The following PHF21A variants were observed in gnomAD, a reference collection of about 807,000 sequenced individuals.
The protein encoded by PHF21A is BHC80a.
A neutral mutation model predicts 82.5 loss-of-function variants in PHF21A; 11 were observed. The observed-to-expected ratio is 0.13, with a 90% CI of 0.08 to 0.22. The LOEUF (loss-of-function observed/expected upper bound fraction) is 0.22. PHF21A is among the 10% of genes least tolerant of loss of function. The pLI is 1.00. For synonymous variants in PHF21A, 297 were observed against 302.8 expected (o/e 0.98, Z 0.20); for missense variants, 579 against 837.8 (o/e 0.69, Z 3.81).
At chr11:46,024,747 C>A (rs1381283412) in intron 6 of PHF21A, among the ~76,000 whole-genome samples, 1 of 152,058 alleles carries the variant, frequency 6.6e-6, no homozygotes. Flanking sequence ...TTGCAGTGAG[C>A]CAAGATTGTG....
At chr11:45,989,075 A>C (rs2094588360) in intron 6 of PHF21A, among the ~76,000 whole-genome samples, 1 of 152,148 alleles carries the variant, frequency 6.6e-6, no homozygotes, top group African/African-American at 2.4e-5. Flanking sequence ...GGAGGGTGCA[A>C]GTTCCTCACA....
intron 6 of PHF21A, among the ~76,000 whole-genome samples, chr11:46,023,264 G>C (rs1338591780): frequency 2.0e-5 from 3 of 152,222 alleles, no homozygotes. Flanking sequence ...GGCAGGCCGG[G>C]ATCTGGCAGA....
intron 6 of PHF21A, among the ~76,000 whole-genome samples, chr11:46,006,270 C>T (rs1377137592): frequency 2.6e-5 from 4 of 152,086 alleles, no homozygotes; most frequent in African/African-American, 9.7e-5. Context: ...CTTCCAGAAG[C>T]CCAAACAAGA....
At chr11:46,102,898 T>C (rs2097112700) in intron 1 of PHF21A, among the ~76,000 whole-genome samples, 1 of 152,152 alleles carries the variant, frequency 6.6e-6, no homozygotes, top group African/African-American at 2.4e-5. Context: ...TGTTTTGTTT[T>C]TAAGAGAAAT....
At chr11:45,966,088 T>C (rs2093417363) in intron 9 of PHF21A, among the ~76,000 whole-genome samples, 1 of 152,158 alleles carries the variant, frequency 6.6e-6, no homozygotes, top group Admixed American at 6.6e-5. Flanking sequence ...AATGTGAGTA[T>C]TTCTTAGGAT....
chr11:46,047,188 T>C (rs1592460222), intron 6 of PHF21A, among the ~76,000 whole-genome samples: 1 of 152,294 alleles, frequency 6.6e-6, no homozygotes, highest in East Asian at 1.9e-4. Flanking sequence ...TTGCTCTAGC[T>C]CTTTTGATAC....
intron 6 of PHF21A, among the ~76,000 whole-genome samples, chr11:46,055,388 C>T (rs1334065472): frequency 6.6e-6 from 1 of 152,158 alleles, no homozygotes; most frequent in Admixed American, 6.6e-5. Flanking sequence ...AAACACAACT[C>T]ACTCTTGATA....
intron 6 of PHF21A, among the ~76,000 whole-genome samples, chr11:46,030,243 T>C (rs1368849346): frequency 6.6e-6 from 1 of 152,236 alleles, no homozygotes; most frequent in African/African-American, 2.4e-5. Flanking sequence ...ACATTTTTAG[T>C]TTCTATTCTG....
chr11:46,041,645 A>G (rs2096142786), intron 6 of PHF21A, among the ~76,000 whole-genome samples: 1 of 152,206 alleles, frequency 6.6e-6, no homozygotes, highest in African/African-American at 2.4e-5. Context: ...TACTCCATAC[A>G]TGAAGACCCA....
At chr11:46,033,519 C>T (rs1391240068) in intron 6 of PHF21A, among the ~76,000 whole-genome samples, 1 of 152,204 alleles carries the variant, frequency 6.6e-6, no homozygotes, top group South Asian at 2.1e-4. Context: ...CGGCCTCAGC[C>T]TCCCAAAGTG....
chr11:45,950,388 T>A, intron 11 of PHF21A, 131 bp from the exon 12 acceptor site: 1 of 607,706 alleles, frequency 1.6e-6, no homozygotes, highest in Non-Finnish European at 2.9e-6. Flanking sequence ...GAGCAGGCAT[T>A]CTCTAAGCAG....
At chr11:46,057,744 G>A (rs2096480779) in intron 6 of PHF21A, among the ~76,000 whole-genome samples, 1 of 152,056 alleles carries the variant, frequency 6.6e-6, no homozygotes, top group African/African-American at 2.4e-5. Flanking sequence ...CTGAGATCGG[G>A]TCTCATGAGA....
At chr11:46,092,426 T>C (rs1049557305) in intron 1 of PHF21A, among the ~76,000 whole-genome samples, 7 of 152,206 alleles carry the variant, frequency 4.6e-5, no homozygotes, top group South Asian at 2.1e-4. Flanking sequence ...AGCAGTTAAA[T>C]TGCTACTTTT....
At chr11:45,941,857 CA>C (rs2090419539) in intron 15 of PHF21A, among the ~76,000 whole-genome samples, 1 of 152,228 alleles carries the variant, frequency 6.6e-6, no homozygotes, top group South Asian at 2.1e-4. Flanking sequence ...ATGTGCTAAA[CA>C]ATTTTTATAA....
chr11:46,087,713 T>A (rs1246689077), intron 3 of PHF21A, among the ~76,000 whole-genome samples: 2 of 152,194 alleles, frequency 1.3e-5, no homozygotes, highest in African/African-American at 4.8e-5. Context: ...AGAAGGGGTC[T>A]CATATGTTGC....
At chr11:46,119,697 T>G (rs549263759) in intron 1 of PHF21A, 2 of 145,186 alleles carry the variant, frequency 1.4e-5, no homozygotes, top group Admixed American at 1.4e-4. Context: ...ACCCCTCCCC[T>G]ACCAGGGCCA....
chr11:46,115,727 G>A (rs1241652356), intron 1 of PHF21A, among the ~76,000 whole-genome samples: 1 of 152,044 alleles, frequency 6.6e-6, no homozygotes, highest in African/African-American at 2.4e-5. Flanking sequence ...AGATATAAAA[G>A]AATTCCATTA....
intron 7 of PHF21A, among the ~76,000 whole-genome samples, chr11:45,976,945 G>A (rs942071851): frequency 5.3e-5 from 8 of 152,116 alleles, no homozygotes; most frequent in African/African-American, 1.9e-4. Flanking sequence ...TGCATCATTT[G>A]CATTAAATAA....
Position 45,930,133 on chromosome 11 carries a change from G to A in PHF21A, c.*3835C>T, listed in dbSNP as rs1304377480. 6.6e-6 allele frequency: 1 copy of A among 152,340 alleles called. No homozygotes were observed. Among genetic ancestry groups the A allele is most frequent in the Non-Finnish European group, 1.5e-5 (1 of 68,108 alleles). 9.4% of individuals were successfully genotyped at this position (152,340 alleles called of 1,614,324 possible). On this transcript the variant is annotated 3_prime_UTR_variant, in exon 19 of 19. Coordinates refer to ENST00000676320, the MANE Select transcript of PHF21A (RefSeq NM_001352027.3). ...CACGCCCTATAAGAGAATGAAGAGA[G>A]GAAACCACTGAAGAGTGTGTGTGAG... is the stretch of plus-strand genomic sequence containing the variant.
Sources: gnomAD v4.1 joint callset for allele counts (sites outside exome capture counted in the v4.1 genomes callset) on GRCh38, gnomAD v4.1.1 for gene constraint, MANE v1.5 for transcripts, NCBI Gene and HGNC (gene_info 2026-07-23, HGNC 2026-07-21) for gene names.